Variants in NRBF2 observed in about 807,000 individuals in gnomAD.
NRBF2 encodes nuclear receptor-binding factor 2.
NRBF2 carries 12 observed loss-of-function variants against 28.5 expected under a neutral mutation model. That is an observed-to-expected ratio of 0.42 (90% CI 0.27 to 0.68). NRBF2 has a LOEUF of 0.68. NRBF2 is among the 30% of genes least tolerant of loss of function. NRBF2 has a pLI of 0.24. For missense variants in NRBF2, 274 were observed against 333.5 expected, an observed-to-expected ratio of 0.82 and a Z score of 1.39; for synonymous variants, 102 against 116.5, an observed-to-expected ratio of 0.88 and a Z score of 0.80.
At chr10:63,146,113 A>C in intron 1 of NRBF2, 96 bp from the exon 2 acceptor site, 1 of 907,664 alleles carries the variant, frequency 1.1e-6, no homozygotes, top group African/African-American at 1.7e-5. Context: ...TGGCAACAAA[A>C]CAGTATTATT....
At position 63,153,824 on chromosome 10, in the gene NRBF2, G is replaced by C; in HGVS notation, c.470G>C (p.Gly157Ala). The C allele has an allele frequency of 6.2e-7, 1 of 1,612,766 alleles. No homozygotes were observed. Among genetic ancestry groups the C allele is most frequent in the Non-Finnish European group, 8.5e-7 (1 of 1,179,834 alleles). The change falls in exon 4 of 4, where the codon GGA (glycine) becomes GCA (alanine). Residue 157 changes from glycine to alanine, a missense_variant. Transcript: ENST00000277746. ...QKSEPAEPCI[G>A]SKAPKDDKTI... ...AGTGAGCCAGCAGAGCCATGTATTGGAAGCAAAGCCCCAAAAGATGATAAA... is the reference window on the plus strand; with the variant it reads ...AGTGAGCCAGCAGAGCCATGTATTGCAAGCAAAGCCCCAAAAGATGATAAA...
At position 63,154,088 on chromosome 10, in the gene NRBF2, A is replaced by C. The variant is rs1272855174; in HGVS notation, c.734A>C (p.Lys245Thr). Residue 245 changes from lysine (K) to threonine (T), a missense_variant, in exon 4 of 4, where the codon AAG becomes ACG. Coordinates refer to ENST00000277746, the MANE Select transcript of NRBF2 (RefSeq NM_030759.5). Reference sequence around the variant, plus strand: ...GCTACAGCCTCCTCAACCTGGCAGAAGTTCGCAGCAAATACTGGGAAAGCC... The same window carrying C: ...GCTACAGCCTCCTCAACCTGGCAGACGTTCGCAGCAAATACTGGGAAAGCC... ...ETATASSTWQ[K>T]FAANTGKAKD... 1 of 1,613,800 alleles carries C rather than the reference A, an allele frequency of 6.2e-7. No homozygotes were observed. Among genetic ancestry groups the C allele is most frequent in the Non-Finnish European group, 8.5e-7 (1 of 1,179,864 alleles).
intron 2 of NRBF2, among the ~76,000 whole-genome samples, chr10:63,149,903 T>TATC (rs904298885): frequency 2.8e-4 from 43 of 151,804 alleles, no homozygotes; most frequent in African/African-American, 9.0e-4. Flanking sequence ...GTCTACAGTG[T>TATC]ATCAGAGCGG....
intron 2 of NRBF2, among the ~76,000 whole-genome samples, chr10:63,147,819 T>C (rs1362629046): frequency 2.5e-5 from 3 of 120,628 alleles, no homozygotes; most frequent in Admixed American, 7.7e-5. Flanking sequence ...ACTGGAGTTA[T>C]CTGCTGTAGG....
At chr10:63,138,516 G>A (rs1443903247) in intron 1 of NRBF2, among the ~76,000 whole-genome samples, 5 of 150,450 alleles carry the variant, frequency 3.3e-5, no homozygotes, top group Admixed American at 1.3e-4. Flanking sequence ...AGGCCAAGGC[G>A]GGCAGATCAC....
intron 1 of NRBF2, among the ~76,000 whole-genome samples, chr10:63,137,866 G>GT (rs1193194630): frequency 1.3e-5 from 2 of 152,178 alleles, no homozygotes; most frequent in African/African-American, 2.4e-5. Context: ...GAAAAAGGAG[G>GT]TAGAGAGTAC....
intron 2 of NRBF2, among the ~76,000 whole-genome samples, chr10:63,149,455 CGT>C (rs1186582944): frequency 6.6e-6 from 1 of 152,044 alleles, no homozygotes; most frequent in African/African-American, 2.4e-5. Context: ...ATTTTAGCCT[CGT>C]GTCATAATTA....
intron 2 of NRBF2, among the ~76,000 whole-genome samples, chr10:63,150,087 G>A (rs959593295): frequency 2.0e-5 from 3 of 151,304 alleles, no homozygotes; most frequent in South Asian, 4.2e-4. Context: ...GATTACAGGT[G>A]CCTGCCACCA....
intron 1 of NRBF2, among the ~76,000 whole-genome samples, chr10:63,135,147 A>G (rs1215880028): frequency 1.3e-5 from 2 of 152,236 alleles, no homozygotes; most frequent in African/African-American, 4.8e-5. Flanking sequence ...AGATTGTGCC[A>G]CTGCACTCCA....
In NRBF2 at chr10:63,151,197, C is replaced by T. The variant is rs375886970; in HGVS notation, c.116-953C>T. 1.2e-4 allele frequency among the ~76,000 whole-genome samples: 19 copies of T among 152,222 alleles called. 1 individual carries two copies. Among genetic ancestry groups the T allele is most frequent in the African/African-American group, 2.6e-4 (11 of 41,524 alleles). ...TAAGACTGGACAGAAAGCAATGCCT[C>T]GTAGTATCTGCAAAAGGGCAAAAGA... On this transcript the variant is annotated intron_variant, in intron 2 of 3. Transcript: ENST00000277746.
chr10:63,145,101 CTTT>C (rs34823556), intron 1 of NRBF2, among the ~76,000 whole-genome samples: 338 of 85,870 alleles, frequency 3.9e-3, no homozygotes, highest in African/African-American at 0.012. Flanking sequence ...TATATTAAAG[CTTT>C]TTTTTTTTTT....
intron 1 of NRBF2, among the ~76,000 whole-genome samples, chr10:63,141,004 C>T (rs1368947546): frequency 6.6e-6 from 1 of 152,136 alleles, no homozygotes; most frequent in Non-Finnish European, 1.5e-5. Flanking sequence ...TGGCCTCAGC[C>T]TAGTGCTTTT....
rs755903996 is a variant in NRBF2 at position 63,146,303 on chromosome 10, C to T, written c.115+10C>T. On this transcript the variant is annotated intron_variant, in intron 2 of 3. Coordinates refer to ENST00000277746, the MANE Select transcript of NRBF2 (RefSeq NM_030759.5). ...CACAAAAAGGCTGCAGGTGAGTATT[C>T]TTATTAAGTACTCAGTGTAAAACTG... 29 of 1,577,702 alleles carry T rather than the reference C, an allele frequency of 1.8e-5. No homozygotes were observed. Among genetic ancestry groups the T allele is most frequent in the Non-Finnish European group, 2.3e-5 (27 of 1,151,724 alleles).
At chr10:63,143,722 G>T (rs2132685495) in intron 1 of NRBF2, among the ~76,000 whole-genome samples, 1 of 151,190 alleles carries the variant, frequency 6.6e-6, no homozygotes, top group South Asian at 2.1e-4. Context: ...CAAGTGTTGG[G>T]ATCACAGGCA....
Position 63,154,763 on chromosome 10 carries a change from T to C in NRBF2, c.*545T>C, listed in dbSNP as rs1322539199. ...GTGCCACACTTTGCACTACTCATAA[T>C]GATAACCTCAAGACTATCAGAAGAA... On this transcript the variant is annotated 3_prime_UTR_variant, in exon 4 of 4. Coordinates refer to ENST00000277746, the MANE Select transcript of NRBF2 (RefSeq NM_030759.5). The C allele has an allele frequency of 1.3e-5, 2 of 152,624 alleles. No homozygotes were observed. The highest frequency in any genetic ancestry group is 2.9e-5 in the Non-Finnish European group (2 of 68,046). The allele number at this position is 152,624 out of a possible 1,614,324, so 9.5% of individuals were successfully genotyped here.
intron 1 of NRBF2, among the ~76,000 whole-genome samples, chr10:63,144,465 A>G (rs1236557263): frequency 7.2e-6 from 1 of 139,080 alleles, no homozygotes; most frequent in Non-Finnish European, 1.5e-5. Flanking sequence ...CCCAGGCTGG[A>G]GTGGAGTGGC....
chr10:63,134,991 C>T (rs1429094500), intron 1 of NRBF2, among the ~76,000 whole-genome samples: 1 of 152,162 alleles, frequency 6.6e-6, no homozygotes. Context: ...AGTTCGAGAC[C>T]AGCCTGGGCA....
chr10:63,134,986 G>A (rs1452393447), intron 1 of NRBF2, among the ~76,000 whole-genome samples: 4 of 152,172 alleles, frequency 2.6e-5, no homozygotes, highest in Non-Finnish European at 5.9e-5. Context: ...TTAGAAGTTC[G>A]AGACCAGCCT....
At chr10:63,149,692 C>T (rs1337027294) in intron 2 of NRBF2, among the ~76,000 whole-genome samples, 1 of 152,118 alleles carries the variant, frequency 6.6e-6, no homozygotes, top group Non-Finnish European at 1.5e-5. Flanking sequence ...TTGTTGAATT[C>T]TTTGTGCTTT....
Sources: allele counts gnomAD v4.1 joint callset (sites outside exome capture counted in the v4.1 genomes callset), GRCh38; gene constraint gnomAD v4.1.1; transcripts MANE v1.5; gene names NCBI Gene and HGNC (gene_info 2026-07-23, HGNC 2026-07-21).